Variants in EFL1 observed in about 807,000 individuals in gnomAD.
EFL1 encodes the protein elongation factor-like GTPase 1.
Under a neutral mutation model 126.7 loss-of-function variants are expected in EFL1, and 76 were observed. The observed-to-expected ratio is 0.60, with a 90% confidence interval of 0.50 to 0.73. The LOEUF (loss-of-function observed/expected upper bound fraction) is 0.73, where lower values mean the gene tolerates loss of function less well. Among genes scored for constraint, EFL1 ranks in the 30% least tolerant of loss-of-function variants. The probability of loss-of-function intolerance (pLI) is 0.00; values close to 1 mark genes in which losing one functional copy is unlikely to be tolerated. For synonymous variants in EFL1, 410 were observed against 448.4 expected, an observed-to-expected ratio of 0.91 and a Z score of 1.08; for missense variants, 1,128 against 1,343.2, an observed-to-expected ratio of 0.84 and a Z score of 2.50.
chr15:82,249,631 C>T lies in EFL1; in HGVS notation c.244+3060G>A, dbSNP rs980718405. Among the ~76,000 whole-genome samples the T allele has an allele frequency of 1.3e-4, 20 of 152,066 alleles. 1 individual carries two copies. Among genetic ancestry groups the T allele is most frequent in the African/African-American group, 4.8e-4 (20 of 41,338 alleles). ...AGAACGTATATTGTTAGGAATACTT[C>T]CTAACTCTTGAGATGACAAGATAAA... On this transcript the variant is annotated intron_variant, in intron 4 of 19. Transcript: ENST00000268206.
intron 12 of EFL1, among the ~76,000 whole-genome samples, chr15:82,223,299 A>G (rs542867090): frequency 3.7e-4 from 56 of 152,338 alleles, no homozygotes; most frequent in African/African-American, 1.3e-3. Flanking sequence ...GGAAAAGAAC[A>G]AAGTAATGGT....
At chr15:82,157,560 T>C (rs1476817196) in intron 17 of EFL1, 153 bp downstream of exon 17, 4 of 899,886 alleles carry the variant, frequency 4.4e-6, no homozygotes, top group African/African-American at 1.7e-5. Context: ...AAAAAATAAG[T>C]CTACAATCGA....
intron 15 of EFL1, among the ~76,000 whole-genome samples, chr15:82,179,164 A>T (rs890795065): frequency 3.9e-5 from 6 of 151,988 alleles, no homozygotes; most frequent in African/African-American, 1.4e-4. Flanking sequence ...AATAAATAAA[A>T]AAAAGAATGG....
chr15:82,230,756 A>G, intron 8 of EFL1, 92 bp downstream of exon 8: 1 of 1,443,296 alleles, frequency 6.9e-7, no homozygotes, highest in Admixed American at 2.4e-5. Context: ...GCATAAATTA[A>G]AGCTGAATTA....
At chr15:82,241,816 G>A (rs1314273571) in intron 4 of EFL1, among the ~76,000 whole-genome samples, 1 of 152,170 alleles carries the variant, frequency 6.6e-6, no homozygotes, top group Non-Finnish European at 1.5e-5. Context: ...TGTTCAAAGG[G>A]CCAACAAAGC....
chr15:82,185,148 T>C (rs1241872656), intron 15 of EFL1, among the ~76,000 whole-genome samples: 1 of 150,026 alleles, frequency 6.7e-6, no homozygotes, highest in Non-Finnish European at 1.5e-5. Flanking sequence ...ATACAAATCC[T>C]TAGGAATGTT....
At chr15:82,229,930 GA>G (rs2074803801) in intron 8 of EFL1, among the ~76,000 whole-genome samples, 2 of 152,270 alleles carry the variant, frequency 1.3e-5, no homozygotes, top group South Asian at 4.1e-4. Context: ...TTTTACAGAT[GA>G]AATAACTGAG....
intron 17 of EFL1, among the ~76,000 whole-genome samples, chr15:82,154,595 T>C (rs532811696): frequency 1.3e-5 from 2 of 152,258 alleles, no homozygotes; most frequent in African/African-American, 4.8e-5. Context: ...CCATGTAAAC[T>C]ACATGGTATA....
chr15:82,234,006 C>T (rs2141319558), intron 7 of EFL1, among the ~76,000 whole-genome samples: 1 of 152,256 alleles, frequency 6.6e-6, no homozygotes, highest in Non-Finnish European at 1.5e-5. Context: ...CTGACCTTGT[C>T]TAATACAGGG....
chr15:82,197,891 CCCTGCCTGCCAA>C (rs1354027586), intron 15 of EFL1, among the ~76,000 whole-genome samples: 4 of 152,004 alleles, frequency 2.6e-5, no homozygotes, highest in African/African-American at 9.7e-5. Context: ...CTGCTGCCTG[CCCTGCCTGCCAA>C]CCTGCCTGCC....
At chr15:82,149,930 GTCT>G (rs2073890089) in intron 18 of EFL1, among the ~76,000 whole-genome samples, 2 of 152,190 alleles carry the variant, frequency 1.3e-5, no homozygotes, top group East Asian at 3.9e-4. Flanking sequence ...AAGCTCTTAG[GTCT>G]TCTTCAAAGA....
At chr15:82,169,695 C>T (rs2074114048) in intron 15 of EFL1, among the ~76,000 whole-genome samples, 1 of 151,736 alleles carries the variant, frequency 6.6e-6, no homozygotes, top group South Asian at 2.1e-4. Flanking sequence ...TCTACAGTAA[C>T]TTTTTGAGCT....
chr15:82,236,708 G>T (rs1596001426), intron 7 of EFL1, among the ~76,000 whole-genome samples: 1 of 152,058 alleles, frequency 6.6e-6, no homozygotes, highest in Non-Finnish European at 1.5e-5. Context: ...AATGTAAAAA[G>T]TAAAACCAAA....
At chr15:82,154,726 A>AC (rs1188618963) in intron 17 of EFL1, among the ~76,000 whole-genome samples, 1 of 152,006 alleles carries the variant, frequency 6.6e-6, no homozygotes, top group East Asian at 1.9e-4. Flanking sequence ...TAACCATGTA[A>AC]CCCCTTATAC....
intron 7 of EFL1, 141 bp from the exon 8 acceptor site, chr15:82,231,112 T>C: frequency 9.9e-7 from 1 of 1,013,430 alleles, no homozygotes; most frequent in Non-Finnish European, 1.4e-6. Flanking sequence ...CAGAAAAGGG[T>C]AATGAAGCAG....
intron 14 of EFL1, among the ~76,000 whole-genome samples, chr15:82,216,758 C>T (rs189038381): frequency 2.0e-4 from 30 of 152,190 alleles, no homozygotes; most frequent in African/African-American, 7.0e-4. Context: ...AGTTTTGTGA[C>T]TTCAACATAG....
chr15:82,162,676 A>T (rs891685037), intron 16 of EFL1, among the ~76,000 whole-genome samples: 1 of 152,244 alleles, frequency 6.6e-6, no homozygotes, highest in Non-Finnish European at 1.5e-5. Context: ...GGCTGAAGGC[A>T]GATGGCTATT....
In EFL1 at chr15:82,164,863, C is replaced by T. The variant is rs143400375; in HGVS notation, c.1751-879G>A. Among the ~76,000 whole-genome samples the T allele has an allele frequency of 5.0e-3, 737 of 148,132 alleles. 3 individuals carry two copies. Among genetic ancestry groups the T allele is most frequent in the Middle Eastern group, 0.014 (4 of 290 alleles). On this transcript the variant is annotated intron_variant, in intron 15 of 19. Coordinates refer to ENST00000268206, the MANE Select transcript of EFL1 (RefSeq NM_024580.6). ...AGTGAGCCAAGATCGTGCCACTGCA[C>T]TCCAGTGTGGGCGACAGAGCGAGAT...
chr15:82,180,362 A>AACAAAAAAAC (rs1377115987), intron 15 of EFL1, among the ~76,000 whole-genome samples: 1 of 107,176 alleles, frequency 9.3e-6, no homozygotes. Flanking sequence ...AAACTGGCAA[A>AACAAAAAAAC]AAAAAAAAAA....
Sources: gnomAD v4.1 joint callset for allele counts (sites outside exome capture counted in the v4.1 genomes callset) on GRCh38, gnomAD v4.1.1 for gene constraint, MANE v1.5 for transcripts, NCBI Gene and HGNC (gene_info 2026-07-23, HGNC 2026-07-21) for gene names.